The following CNTN5 variants were observed in gnomAD, a reference collection of about 807,000 sequenced individuals.
The protein encoded by CNTN5 is contactin-5.
Under a neutral mutation model 129.1 loss-of-function variants are expected in CNTN5, and 77 were observed. The observed-to-expected ratio is 0.60, with a 90% CI of 0.50 to 0.72. The LOEUF (loss-of-function observed/expected upper bound fraction) is 0.72, where lower values mean the gene tolerates loss of function less well. CNTN5 is among the 30% of genes least tolerant of loss of function. CNTN5 has a pLI of 0.00. For synonymous variants in CNTN5, 509 were observed against 465.6 expected (o/e 1.09, Z -1.20); for missense variants, 1,478 against 1,328.8 (o/e 1.11, Z -1.75).
intron 3 of CNTN5, among the ~76,000 whole-genome samples, chr11:99,791,419 T>C (rs1176082364): frequency 6.6e-6 from 1 of 152,112 alleles, no homozygotes; most frequent in Non-Finnish European, 1.5e-5. Flanking sequence ...CCGTCACTTA[T>C]TTTTGTCTAC....
chr11:99,669,757 C>A (rs1300294233), intron 3 of CNTN5, among the ~76,000 whole-genome samples: 1 of 152,088 alleles, frequency 6.6e-6, no homozygotes. Context: ...TGATTCTGAT[C>A]TACTTCTTTA....
chr11:99,662,865 C>T (rs1222058684), intron 3 of CNTN5, among the ~76,000 whole-genome samples: 1 of 152,148 alleles, frequency 6.6e-6, no homozygotes, highest in Admixed American at 6.5e-5. Context: ...TCCTCAGATG[C>T]ATGTACATTA....
At chr11:99,348,381 G>A (rs1938056123) in intron 2 of CNTN5, among the ~76,000 whole-genome samples, 1 of 152,162 alleles carries the variant, frequency 6.6e-6, no homozygotes, top group African/African-American at 2.4e-5. Flanking sequence ...AGTAATTCAA[G>A]TATGACTGGT....
At chr11:99,379,675 T>TTA (rs1033334761) in intron 2 of CNTN5, among the ~76,000 whole-genome samples, 25 of 152,280 alleles carry the variant, frequency 1.6e-4, no homozygotes, top group Non-Finnish European at 2.2e-4. Flanking sequence ...ATGTGTATTG[T>TTA]TATATATATA....
At chr11:99,064,409 C>A (rs1322842351) in intron 1 of CNTN5, among the ~76,000 whole-genome samples, 1 of 149,328 alleles carries the variant, frequency 6.7e-6, no homozygotes, top group East Asian at 2.0e-4. Context: ...GCAACCTGAA[C>A]CAGAAAAATG....
At chr11:100,244,278 A>G (rs1949799366) in intron 16 of CNTN5, among the ~76,000 whole-genome samples, 1 of 152,120 alleles carries the variant, frequency 6.6e-6, no homozygotes, top group African/African-American at 2.4e-5. Flanking sequence ...TCTACCAACA[A>G]AATAGTCATC....
intron 3 of CNTN5, among the ~76,000 whole-genome samples, chr11:99,678,792 A>C (rs1261476383): frequency 1.3e-5 from 2 of 152,054 alleles, no homozygotes; most frequent in East Asian, 3.9e-4. Context: ...ACTACAGTAA[A>C]GAAATAAATT....
At chr11:99,351,395 G>A (rs1392587537) in intron 2 of CNTN5, among the ~76,000 whole-genome samples, 2 of 152,148 alleles carry the variant, frequency 1.3e-5, no homozygotes, top group Non-Finnish European at 2.9e-5. Flanking sequence ...AGGCTCTGTG[G>A]GATGGAACTG....
chr11:100,242,371 A>T (rs192007122), intron 16 of CNTN5, among the ~76,000 whole-genome samples: 1 of 152,096 alleles, frequency 6.6e-6, no homozygotes, highest in East Asian at 1.9e-4. Flanking sequence ...ATTATCTTTC[A>T]CTTGTTTATT....
At chr11:100,017,561 G>A (rs1940894644) in intron 9 of CNTN5, among the ~76,000 whole-genome samples, 1 of 151,788 alleles carries the variant, frequency 6.6e-6, no homozygotes, top group South Asian at 2.1e-4. Context: ...ACTAACTTAG[G>A]GATCAATTAA....
chr11:99,180,204 A>G (rs1042567475), intron 1 of CNTN5, among the ~76,000 whole-genome samples: 29 of 152,214 alleles, frequency 1.9e-4, no homozygotes, highest in Admixed American at 1.3e-4. Context: ...AAATGATATA[A>G]TAATAAGCAG....
At chr11:99,624,444 G>T (rs1951059177) in intron 3 of CNTN5, among the ~76,000 whole-genome samples, 1 of 151,940 alleles carries the variant, frequency 6.6e-6, no homozygotes, top group Non-Finnish European at 1.5e-5. Flanking sequence ...TTTGTTTTTT[G>T]AGCTCACTTC....
At chr11:100,061,106 A>T in intron 9 of CNTN5, 106 bp from the exon 10 acceptor site, 1 of 835,002 alleles carries the variant, frequency 1.2e-6, no homozygotes, top group African/African-American at 1.7e-5. Context: ...AATTGTGATT[A>T]CATTTTATTG....
At chr11:99,161,287 C>G (rs193015624) in intron 1 of CNTN5, among the ~76,000 whole-genome samples, 43 of 152,242 alleles carry the variant, frequency 2.8e-4, no homozygotes, top group Middle Eastern at 3.4e-3. Flanking sequence ...TTTTGAGACT[C>G]TATGACAGAT....
At chr11:99,345,162 A>T (rs566639433) in intron 2 of CNTN5, among the ~76,000 whole-genome samples, 1 of 152,324 alleles carries the variant, frequency 6.6e-6, no homozygotes, top group African/African-American at 2.4e-5. Context: ...ATATGAATAC[A>T]TATATATGGA....
intron 6 of CNTN5, among the ~76,000 whole-genome samples, chr11:99,860,817 T>A: frequency 6.6e-6 from 1 of 151,480 alleles, no homozygotes; most frequent in East Asian, 1.9e-4. Flanking sequence ...AATTTTAGAA[T>A]TTTTTTTTAG....
At chr11:99,770,416 G>A (rs527365888) in intron 3 of CNTN5, among the ~76,000 whole-genome samples, 40 of 151,892 alleles carry the variant, frequency 2.6e-4, no homozygotes, top group Admixed American at 1.2e-3. Context: ...AAAGAAAAGC[G>A]TATACATGTG....
rs1858899590 is a variant in CNTN5 at position 99,196,318 on chromosome 11, G to A, written c.-209-129028G>A. 2.0e-5 allele frequency among the ~76,000 whole-genome samples: 3 copies of A among 151,536 alleles called. No homozygotes were observed. In the South Asian group the frequency reaches 6.2e-4, roughly 32 times the overall value. ...GTCATTTGATTTTGTTTAATATATAGTTTGCATTATAAAAACAATTGTAAA... is the reference window on the plus strand; with the variant it reads ...GTCATTTGATTTTGTTTAATATATAATTTGCATTATAAAAACAATTGTAAA... On this transcript the variant is annotated intron_variant, in intron 1 of 24. Coordinates refer to ENST00000524871, the MANE Select transcript of CNTN5 (RefSeq NM_014361.4).
intron 2 of CNTN5, among the ~76,000 whole-genome samples, chr11:99,502,904 C>A (rs753851375): frequency 6.6e-6 from 1 of 152,094 alleles, no homozygotes; most frequent in Non-Finnish European, 1.5e-5. Context: ...CACCTTCAGT[C>A]CACATTTTAG....
Sources: gnomAD v4.1 joint callset for allele counts (sites outside exome capture counted in the v4.1 genomes callset) on GRCh38, gnomAD v4.1.1 for gene constraint, MANE v1.5 for transcripts, NCBI Gene and HGNC (gene_info 2026-07-23, HGNC 2026-07-21) for gene names.